The following COL19A1 variants were observed in gnomAD, a reference collection of about 807,000 sequenced individuals.
COL19A1 encodes the protein collagen alpha-1(XIX) chain.
Under a neutral mutation model 190.2 loss-of-function variants are expected in COL19A1, and 159 were observed. The observed-to-expected ratio is 0.84, with a 90% confidence interval of 0.73 to 0.95. The LOEUF is 0.95. Among genes scored for constraint, COL19A1 ranks in the 40% least tolerant of loss-of-function variants. COL19A1 has a pLI of 0.00. For synonymous variants in COL19A1, 509 were observed against 458.9 expected, an observed-to-expected ratio of 1.11 and a Z score of -1.39; for missense variants, 1,418 against 1,431.9, an observed-to-expected ratio of 0.99 and a Z score of 0.16.
intron 4 of COL19A1, among the ~76,000 whole-genome samples, chr6:69,925,143 G>A (rs1013553449): frequency 7.9e-5 from 12 of 152,266 alleles, no homozygotes; most frequent in African/African-American, 2.9e-4. Flanking sequence ...TGGTGTTTTA[G>A]ACATGAAGTC....
intron 15 of COL19A1, among the ~76,000 whole-genome samples, chr6:70,074,947 GA>G (rs999839910): frequency 8.8e-5 from 13 of 148,094 alleles, no homozygotes; most frequent in South Asian, 4.1e-4. Context: ...GTCGTAGGTA[GA>G]AAAAAAGCAT....
chr6:69,899,339 G>A (rs1214545584), intron 3 of COL19A1, among the ~76,000 whole-genome samples: 1 of 151,884 alleles, frequency 6.6e-6, no homozygotes, highest in Non-Finnish European at 1.5e-5. Flanking sequence ...TTTTGGTAGA[G>A]ATGGGGTTTT....
intron 14 of COL19A1, among the ~76,000 whole-genome samples, chr6:70,041,215 T>C (rs1779619215): frequency 6.6e-6 from 1 of 152,240 alleles, no homozygotes; most frequent in Non-Finnish European, 1.5e-5. Context: ...AAATATCTGA[T>C]TTCTTTTCAG....
Position 69,946,695 on chromosome 6 carries a change from G to A in COL19A1, c.936+8595G>A, listed in dbSNP as rs556882743. On this transcript the variant is annotated intron_variant, in intron 9 of 50. Transcript: ENST00000620364. ...CCCCTTAAAAGTAATCTCCTAATAA[G>A]CATTTCTGTATTTTAGGGTGCAGTT... 5.3e-5 allele frequency among the ~76,000 whole-genome samples: 8 copies of A among 151,928 alleles called. 1 individual carries two copies. In the East Asian group the frequency reaches 1.4e-3, roughly 26 times the overall value.
At chr6:69,980,627 G>A (rs1283769092) in intron 11 of COL19A1, among the ~76,000 whole-genome samples, 1 of 152,154 alleles carries the variant, frequency 6.6e-6, no homozygotes. Flanking sequence ...ATAATTAATA[G>A]GTGACCAGTT....
chr6:69,907,830 A>G (rs1234485933), intron 4 of COL19A1, among the ~76,000 whole-genome samples: 1 of 152,206 alleles, frequency 6.6e-6, no homozygotes, highest in East Asian at 1.9e-4. Flanking sequence ...CTCAGCAAGC[A>G]TTTGTTGAGT....
chr6:70,037,892 C>T (rs568902765), intron 14 of COL19A1, among the ~76,000 whole-genome samples: 7 of 151,888 alleles, frequency 4.6e-5, no homozygotes, highest in Non-Finnish European at 7.4e-5. Flanking sequence ...TCTAAAAATA[C>T]GACAAGGAAA....
At chr6:70,143,805 A>G (rs371751091) in intron 23 of COL19A1, among the ~76,000 whole-genome samples, 24 of 152,174 alleles carry the variant, frequency 1.6e-4, no homozygotes, top group African/African-American at 5.3e-4. Flanking sequence ...AGACTAAGTG[A>G]TAGTGGCCAG....
chr6:69,951,755 G>T (rs1226768128), intron 9 of COL19A1, among the ~76,000 whole-genome samples: 1 of 151,872 alleles, frequency 6.6e-6, no homozygotes, highest in Non-Finnish European at 1.5e-5. Flanking sequence ...CAACACCCCT[G>T]TGAGGTAAGA....
At chr6:70,126,742 G>A (rs1785221735) in intron 17 of COL19A1, among the ~76,000 whole-genome samples, 2 of 152,256 alleles carry the variant, frequency 1.3e-5, no homozygotes, top group South Asian at 4.1e-4. Flanking sequence ...ACAGTTCTGG[G>A]GGCCAGAAGT....
chr6:70,094,030 G>A lies in COL19A1; in HGVS notation c.1225-8139G>A, dbSNP rs140363458. ...TTGCATTTTCTTCTCATGTCCTTAC[G>A]AGAGTCACTTGTCAGATCCCTGAAG... On this transcript the variant is annotated intron_variant, in intron 15 of 50. Transcript: ENST00000620364. Among the ~76,000 whole-genome samples the A allele has an allele frequency of 1.3e-3, 198 of 152,210 alleles. 1 individual carries two copies. The highest frequency in any genetic ancestry group is 4.5e-3 in the African/African-American group (188 of 41,538).
intron 4 of COL19A1, among the ~76,000 whole-genome samples, chr6:69,924,027 C>G (rs140188719): frequency 6.6e-6 from 1 of 152,150 alleles, no homozygotes. Context: ...ACAGACAGCA[C>G]CAACGGCAAA....
Position 70,165,960 on chromosome 6 carries a change from G to C in COL19A1, c.2420G>C (p.Gly807Ala). The C allele has an allele frequency of 6.2e-7, 1 of 1,613,940 alleles. No individual in the cohort carries two copies. The highest frequency in any genetic ancestry group is 8.5e-7 in the Non-Finnish European group (1 of 1,179,900). ...TTGCAGGGCAGCGACGGACCCCCTG[G>C]GAAACCCGGACCACCTGGACCACCT... ...KGEKGSDGPP[G>A]KPGPPGPPGI... The change falls in exon 37 of 51, where the codon GGG becomes GCG. Residue 807 changes from glycine (G) to alanine (A), a missense_variant. Physicochemically the swap from Gly to Ala is moderately conservative, Grantham distance 60 (BLOSUM62 0). Coordinates refer to ENST00000620364, the MANE Select transcript of COL19A1 (RefSeq NM_001858.6).
intron 10 of COL19A1, among the ~76,000 whole-genome samples, chr6:69,962,032 G>A (rs893264595): frequency 3.3e-5 from 5 of 152,080 alleles, no homozygotes; most frequent in African/African-American, 1.2e-4. Flanking sequence ...TTATGCTCCA[G>A]GCCCTCCATG....
rs1269695874 is a variant in COL19A1 at position 69,945,567 on chromosome 6, ATAT to A, written c.936+7472_936+7474del. ...AATAACTTTACAGAAGTAGGATTTA[ATAT>A]TATTCTTTTGACTTCTTTTAATATG... On this transcript the variant is annotated intron_variant, in intron 9 of 50. Coordinates refer to ENST00000620364, the MANE Select transcript of COL19A1 (RefSeq NM_001858.6). Among the ~76,000 whole-genome samples, 8 of 152,100 alleles carry A rather than the reference ATAT, an allele frequency of 5.3e-5. No individual in the cohort carries two copies. In the East Asian group the frequency reaches 1.5e-3, roughly 29 times the overall value.
At chr6:69,943,391 A>G (rs1268265787) in intron 9 of COL19A1, among the ~76,000 whole-genome samples, 2 of 152,082 alleles carry the variant, frequency 1.3e-5, no homozygotes. Flanking sequence ...CCTTTGCTGT[A>G]CAAAAGCTTT....
intron 16 of COL19A1, among the ~76,000 whole-genome samples, chr6:70,107,915 A>C (rs1388055246): frequency 2.0e-5 from 3 of 151,926 alleles, no homozygotes; most frequent in Non-Finnish European, 4.4e-5. Context: ...CCTTCCTCAC[A>C]CTCCAATAAA....
Position 70,030,252 on chromosome 6 carries a change from C to T in COL19A1, c.1081-3993C>T, listed in dbSNP as rs560543944. Among the ~76,000 whole-genome samples, 10 of 152,210 alleles carry T rather than the reference C, an allele frequency of 6.6e-5. No individual in the cohort carries two copies. The East Asian group carries it at 1.7e-3, about 26-fold the overall frequency. On this transcript the variant is annotated intron_variant, in intron 12 of 50. Transcript: ENST00000620364. Reference sequence around the variant, plus strand: ...GATTCAACTGCCAATACATTGCTTCCCTAGAAATTACAACTGGGATTAATT... The same window carrying T: ...GATTCAACTGCCAATACATTGCTTCTCTAGAAATTACAACTGGGATTAATT...
chr6:70,055,689 G>A (rs1426118899), intron 14 of COL19A1, among the ~76,000 whole-genome samples: 1 of 149,820 alleles, frequency 6.7e-6, no homozygotes, highest in African/African-American at 2.5e-5. Flanking sequence ...GGCTGAGGCA[G>A]GAGAATCACT....
Sources: gnomAD v4.1 joint callset for allele counts (sites outside exome capture counted in the v4.1 genomes callset) on GRCh38, gnomAD v4.1.1 for gene constraint, MANE v1.5 for transcripts, NCBI Gene and HGNC (gene_info 2026-07-23, HGNC 2026-07-21) for gene names.